LRRD1: variants seen among roughly 807,000 people sequenced by gnomAD.
The protein encoded by LRRD1 is leucine rich repeats and death domain containing 1.
In LRRD1, 49 loss-of-function variants were observed where a neutral mutation model predicts 69.5. The ratio of observed to expected loss-of-function variants is 0.70; its 90% CI spans 0.56 to 0.89. LRRD1 has a LOEUF of 0.89. LRRD1 is among the 40% of genes least tolerant of loss of function. LRRD1 has a pLI of 0.00. For missense variants in LRRD1, 853 were observed against 956.0 expected, an observed-to-expected ratio of 0.89 and a Z score of 1.42; for synonymous variants, 303 against 338.9, an observed-to-expected ratio of 0.89 and a Z score of 1.16.
rs1002437000 is a variant in LRRD1 at position 92,150,317 on chromosome 7, T to C, written c.2278+217A>G. Among the ~76,000 whole-genome samples the C allele has an allele frequency of 3.3e-5, 5 of 151,928 alleles. No homozygotes were observed. In the South Asian group the frequency reaches 8.3e-4, roughly 25 times the overall value. ...TGTCTCTACTAAAAGATTAAAAAAT[T>C]AGCCAGGTGCGGTGACACATGCCTG... On this transcript the variant is annotated intron_variant, in intron 4 of 5. Transcript: ENST00000458448.
chr7:92,149,119 C>A (rs915539805), intron 4 of LRRD1, among the ~76,000 whole-genome samples: 1 of 152,116 alleles, frequency 6.6e-6, no homozygotes, highest in Non-Finnish European at 1.5e-5. Context: ...GCTACTGTGG[C>A]TTTTAATTTT....
At chr7:92,151,933 G>A (rs1410264211) in intron 3 of LRRD1, among the ~76,000 whole-genome samples, 3 of 146,726 alleles carry the variant, frequency 2.0e-5, no homozygotes, top group Non-Finnish European at 4.5e-5. Context: ...TGGGAGACAA[G>A]AGCGGAACTC....
At chr7:92,152,376 T>C (rs963520609) in intron 3 of LRRD1, among the ~76,000 whole-genome samples, 1 of 152,038 alleles carries the variant, frequency 6.6e-6, no homozygotes. Context: ...ATGTAAATAA[T>C]TTATCCATTT....
rs1403107419 is a variant in LRRD1, at chr7:92,159,147, G to A, written c.1974C>T (p.Ile658=). Residue 658 remains isoleucine (I), a synonymous_variant, in exon 3 of 6, where the codon ATC becomes ATT. Transcript: ENST00000458448. ...SNMTQLKELD[I]SNNAIREIPR... is the part of the protein sequence containing the mutation. The stretch of plus-strand genomic sequence containing the variant: ...GAATCTCTCTGATTGCATTATTTGA[G>A]ATATCAAGTTCTTTAAGTTGAGTCA... 3 of 1,543,796 alleles carry A rather than the reference G, an allele frequency of 1.9e-6. No individual in the cohort carries two copies. In the African/African-American group the frequency reaches 4.1e-5, roughly 21 times the overall value.
chr7:92,159,949 C>T (rs779622607), intron 2 of LRRD1, among the ~76,000 whole-genome samples: 2 of 151,906 alleles, frequency 1.3e-5, no homozygotes, highest in African/African-American at 4.8e-5. Flanking sequence ...CATTTGTGTG[C>T]GTTTTTTTAG....
chr7:92,146,171 C>A lies in LRRD1; in HGVS notation c.2308G>T (p.Val770Phe). ...TTGGTTTCAGTGATGTTGTTGGCAA[C>A]TATCTTGAATATCTTCTCTAAAATT... ...EKILEKIFKI[V>F]ANNITETNFE... The change falls in exon 5 of 6, where the codon GTT becomes TTT. Residue 770 changes from valine to phenylalanine, a missense_variant. Around this residue, in one of 3 missense-constraint regions of LRRD1, gnomAD observed 739 missense variants for 808.0 expected, o/e 0.91. Transcript: ENST00000458448. The A allele has an allele frequency of 6.5e-7, 1 of 1,532,948 alleles. No homozygotes were observed. Among genetic ancestry groups the A allele is most frequent in the Non-Finnish European group, 8.8e-7 (1 of 1,138,622 alleles). 95.0% of individuals were successfully genotyped at this position (1,532,948 alleles called of 1,614,324 possible). A position where few individuals can be genotyped will look rare whatever the true frequency, so the allele number is the denominator to read the frequency against.
chr7:92,164,041 GTA>G lies in LRRD1; in HGVS notation c.1160_1161del (p.Ile387ThrfsTer14), dbSNP rs1158209597. 1.9e-6 allele frequency: 3 copies of G among 1,540,126 alleles called. No individual in the cohort carries two copies. Among genetic ancestry groups the G allele is most frequent in the Non-Finnish European group, 2.6e-6 (3 of 1,142,992 alleles). On this transcript the variant is annotated frameshift_variant, in exon 2 of 6. Coordinates refer to ENST00000458448, the MANE Select transcript of LRRD1 (RefSeq NM_001161528.2). LOFTEE classifies it high-confidence loss of function. ...ATTGCACAGCAAGATATTTTCTCTG[GTA>G]TATTTTTCAATAAATTTTTATCAAG... Reference protein sequence around the residue: ...LILDKNLLKNIPEKISCCAML... With the variant: ...LILDKNLLKNXPEKISCCAML...
At chr7:92,175,895 A>G (rs1789185082) in intron 1 of LRRD1, among the ~76,000 whole-genome samples, 1 of 152,260 alleles carries the variant, frequency 6.6e-6, no homozygotes, top group Non-Finnish European at 1.5e-5. Context: ...CTAATTCTTC[A>G]ATCATAGTTC....
At position 92,145,102 on chromosome 7, in the gene LRRD1, AGTTAAATATTTATTAAC is replaced by A; in HGVS notation, c.2397-45_2397-29del. 3 of 1,123,154 alleles carry A rather than the reference AGTTAAATATTTATTAAC, an allele frequency of 2.7e-6. No individual in the cohort carries two copies. The South Asian group carries it at 8.8e-5, about 33-fold the overall frequency. 69.6% of individuals were successfully genotyped at this position (1,123,154 alleles called of 1,614,324 possible). A position where few individuals can be genotyped will look rare whatever the true frequency, so the allele number is the denominator to read the frequency against. The stretch of plus-strand genomic sequence containing the variant: ...GAAAAACATTATTAATAATATTAAT[AGTTAAATATTTATTAAC>A]GTTTAATATATTTAAATTACTGATA... On this transcript the variant is annotated intron_variant, in intron 5 of 5. Transcript: ENST00000458448.
At position 92,163,723 on chromosome 7, in the gene LRRD1, C is replaced by A; in HGVS notation, c.1480G>T (p.Val494Phe). 1.3e-6 allele frequency: 2 copies of A among 1,506,682 alleles called. No individual in the cohort carries two copies. The highest frequency in any genetic ancestry group is 1.8e-6 in the Non-Finnish European group (2 of 1,129,718). The allele number at this position is 1,506,682 out of a possible 1,614,324, so 93.3% of individuals were successfully genotyped here. A position where few individuals can be genotyped will look rare whatever the true frequency, so the allele number is the denominator to read the frequency against. Residue 494 changes from valine (V) to phenylalanine (F), a missense_variant, in exon 2 of 6, where the codon GTT becomes TTT. Physicochemically the swap from Val to Phe is conservative, Grantham distance 50. Coordinates refer to ENST00000458448, the MANE Select transcript of LRRD1 (RefSeq NM_001161528.2). ...CALDSLYYLS[V>F]NGNYISEIPV... ...ATTTCTGAAATATAATTTCCATTAA[C>A]ACTCAAATAATAAAGAGAATCTAAA...
intron 3 of LRRD1, among the ~76,000 whole-genome samples, chr7:92,154,961 T>C (rs963486670): frequency 6.6e-6 from 1 of 152,226 alleles, no homozygotes; most frequent in Non-Finnish European, 1.5e-5. Flanking sequence ...TGAGCACTTA[T>C]CATGCACTGT....
At chr7:92,156,545 G>C (rs1399707515) in intron 3 of LRRD1, among the ~76,000 whole-genome samples, 1 of 151,894 alleles carries the variant, frequency 6.6e-6, no homozygotes, top group Non-Finnish European at 1.5e-5. Flanking sequence ...TTATGGTTTT[G>C]GTACCATTTT....
Position 92,145,054 on chromosome 7 carries a change from C to A in LRRD1, c.2417G>T (p.Arg806Ile). The A allele has an allele frequency of 6.7e-7, 1 of 1,489,692 alleles. No individual in the cohort carries two copies. The highest frequency in any genetic ancestry group is 9.0e-7 in the Non-Finnish European group (1 of 1,112,018). 92.3% of individuals were successfully genotyped at this position (1,489,692 alleles called of 1,614,324 possible). ...CCATATAACAAGTGCTTGGTGGGCT[C>A]TCTCACTTAATGAAACAGTGCTGAA... is the stretch of plus-strand genomic sequence containing the variant. ...PTKSTVSLSE[R>I]AHQALVIWKT... is the part of the protein sequence containing the mutation. The change falls in exon 6 of 6, where the codon AGA becomes ATA. Residue 806 changes from arginine to isoleucine, a missense_variant. By Grantham distance (97) the Arg-to-Ile change is moderately conservative. Around this residue, in one of 3 missense-constraint regions of LRRD1, gnomAD observed 739 missense variants for 808.0 expected, o/e 0.91. Transcript: ENST00000458448.
At chr7:92,168,786 A>G (rs1423659813) in intron 1 of LRRD1, among the ~76,000 whole-genome samples, 2 of 152,222 alleles carry the variant, frequency 1.3e-5, no homozygotes, top group African/African-American at 2.4e-5. Flanking sequence ...CAATGTACAT[A>G]TGTACATCCA....
rs1172634933 is a variant in LRRD1 at position 92,163,583 on chromosome 7, A to G, written c.1620T>C (p.Leu540=). ...GAATTTTCTTTATTTGGTTTTTACC[A>G]AGATCCAGGTATTTAAGATTAATAA... ...CSLINLKYLD[L]GKNQIKKIPA... The change falls in exon 2 of 6, where the codon CTT becomes CTC. Residue 540 remains leucine (L), a synonymous_variant. Transcript: ENST00000458448. 6.5e-7 allele frequency: 1 copy of G among 1,532,852 alleles called. No individual in the cohort carries two copies. The highest frequency in any genetic ancestry group is 1.2e-5 in the South Asian group (1 of 80,920). The allele number at this position is 1,532,852 out of a possible 1,614,324, so 95.0% of individuals were successfully genotyped here. A position where few individuals can be genotyped will look rare whatever the true frequency, so the allele number is the denominator to read the frequency against.
chr7:92,145,266 A>G (rs1180979112), intron 5 of LRRD1, among the ~76,000 whole-genome samples, 192 bp from the exon 6 acceptor site: 4 of 152,102 alleles, frequency 2.6e-5, no homozygotes, highest in Admixed American at 2.0e-4. Flanking sequence ...GAGAATCTCT[A>G]TAAAAATTTG....
intron 5 of LRRD1, among the ~76,000 whole-genome samples, chr7:92,145,467 A>G (rs1254568400): frequency 7.3e-6 from 1 of 137,690 alleles, no homozygotes; most frequent in Non-Finnish European, 1.5e-5. Context: ...TTTTAGACAG[A>G]GTCTTGCTGT....
At chr7:92,150,472 A>G in intron 4 of LRRD1, 62 bp downstream of exon 4, 1 of 1,383,454 alleles carries the variant, frequency 7.2e-7, no homozygotes, top group South Asian at 1.7e-5. Context: ...CTCCAAAAAT[A>G]TTAAAATAAA....
chr7:92,174,510 T>TGTATATA (rs1491100533), intron 1 of LRRD1, among the ~76,000 whole-genome samples: 341 of 12,596 alleles, frequency 0.027, 13 homozygotes, highest in Non-Finnish European at 0.034. Flanking sequence ...TATATATATA[T>TGTATATA]TTTTTTTTTT....
Sources: gnomAD v4.1 joint callset for allele counts (sites outside exome capture counted in the v4.1 genomes callset) on GRCh38, gnomAD v4.1.1 for gene constraint, gnomAD v4.1.1 regional missense constraint, MANE v1.5 for transcripts, NCBI Gene and HGNC (gene_info 2026-07-23, HGNC 2026-07-21) for gene names.